FRAS1: variants seen among roughly 807,000 people sequenced by gnomAD.
The protein encoded by FRAS1 is Fraser extracellular matrix complex subunit 1, also known as extracellular matrix organizing protein FRAS1.
In FRAS1, 290 loss-of-function variants were observed where a neutral mutation model predicts 435.2. The observed-to-expected ratio is 0.67, with a 90% CI of 0.61 to 0.73. The LOEUF is 0.73. Among genes scored for constraint, FRAS1 ranks in the 30% least tolerant of loss-of-function variants. The pLI is 0.00. For missense variants in FRAS1, 4,860 were observed against 5,001.5 expected (o/e 0.97, Z 0.85); for synonymous variants, 1,800 against 1,851.0 (o/e 0.97, Z 0.71).
chr4:78,448,309 C>G lies in FRAS1; in HGVS notation c.6267C>G (p.Leu2089=), dbSNP rs1718919041. ...PHLAINQGLQ[L]SAGSVARITE... is the part of the protein sequence containing the mutation. ...TGGCTATAAACCAAGGCCTACAGCT[C>G]TCAGCAGGTACCACAGAAATAAAGG... is the stretch of plus-strand genomic sequence containing the variant. Residue 2089 remains leucine, a synonymous_variant, in exon 44 of 74, where the codon CTC becomes CTG. Coordinates refer to ENST00000512123, the MANE Select transcript of FRAS1 (RefSeq NM_025074.7). The G allele has an allele frequency of 1.2e-6, 2 of 1,605,722 alleles. No homozygotes were observed. The highest frequency in any genetic ancestry group is 1.7e-6 in the Non-Finnish European group (2 of 1,175,946).
chr4:78,127,058 A>T (rs1719400470), intron 2 of FRAS1, among the ~76,000 whole-genome samples: 1 of 150,394 alleles, frequency 6.6e-6, no homozygotes. Flanking sequence ...TCTTTAGTCT[A>T]GTGAACCAGA....
At chr4:78,314,481 T>A (rs1297219614) in intron 15 of FRAS1, among the ~76,000 whole-genome samples, 1 of 152,208 alleles carries the variant, frequency 6.6e-6, no homozygotes, top group African/African-American at 2.4e-5. Flanking sequence ...GCCATGGTCT[T>A]CCAATGCGGT....
chr4:78,282,248 C>A (rs112794165), intron 11 of FRAS1, among the ~76,000 whole-genome samples: 1 of 152,128 alleles, frequency 6.6e-6, no homozygotes, highest in South Asian at 2.1e-4. Flanking sequence ...TGTTTATTTT[C>A]GTAATTTGCT....
rs1189834856 is a variant in FRAS1 at position 78,281,378 on chromosome 4, AC to A, written c.1072-19del. ...TGGTGTTTTTAGTGGCATAATAAAG[AC>A]ATTTCTCTTTGTTCCTAGATGTCAT... On this transcript the variant is annotated intron_variant, in intron 10 of 73. Coordinates refer to ENST00000512123, the MANE Select transcript of FRAS1 (RefSeq NM_025074.7). The A allele has an allele frequency of 8.4e-6, 13 of 1,542,184 alleles. No individual in the cohort carries two copies. Among genetic ancestry groups the A allele is most frequent in the Non-Finnish European group, 1.1e-5 (12 of 1,137,858 alleles).
At chr4:78,522,350 A>G (rs1367176744) in intron 68 of FRAS1, among the ~76,000 whole-genome samples, 1 of 152,216 alleles carries the variant, frequency 6.6e-6, no homozygotes, top group Non-Finnish European at 1.5e-5. Flanking sequence ...TCATTGTCAC[A>G]TAAAGACCCC....
chr4:78,503,812 G>A (rs560325250), intron 61 of FRAS1, among the ~76,000 whole-genome samples: 1 of 152,312 alleles, frequency 6.6e-6, no homozygotes, highest in Admixed American at 6.5e-5. Context: ...ATGTTAGGGT[G>A]TCAATTTTAG....
Position 78,333,338 on chromosome 4 carries a change from C to A in FRAS1, c.2204C>A (p.Ser735Tyr). 6.2e-7 allele frequency: 1 copy of A among 1,612,562 alleles called. No individual in the cohort carries two copies. Among genetic ancestry groups the A allele is most frequent in the Non-Finnish European group, 8.5e-7 (1 of 1,179,344 alleles). ...SPHNCTDCGP[S>Y]HVLLDGQCLS... ...CATAACTGCACAGACTGTGGGCCTT[C>A]CCATGTGCTGTTGGATGGGCAGTGC... The change falls in exon 19 of 74, where the codon TCC (serine) becomes TAC (tyrosine). Residue 735 changes from serine to tyrosine, a missense_variant. Coordinates refer to ENST00000512123, the MANE Select transcript of FRAS1 (RefSeq NM_025074.7).
intron 55 of FRAS1, among the ~76,000 whole-genome samples, chr4:78,478,335 C>T (rs1194711400): frequency 6.6e-6 from 1 of 152,166 alleles, no homozygotes; most frequent in Non-Finnish European, 1.5e-5. Context: ...CTAAATTATT[C>T]ATGAATCAGT....
intron 47 of FRAS1, among the ~76,000 whole-genome samples, chr4:78,455,055 G>A (rs778294185): frequency 6.6e-6 from 1 of 152,018 alleles, no homozygotes; most frequent in Non-Finnish European, 1.5e-5. Flanking sequence ...TTCTCAATCT[G>A]CCTGCTTCCA....
chr4:78,112,769 A>G (rs964875181), intron 2 of FRAS1, among the ~76,000 whole-genome samples: 3 of 151,964 alleles, frequency 2.0e-5, no homozygotes, highest in Admixed American at 6.6e-5. Flanking sequence ...AAGCTATGTC[A>G]GCAAGTTAAG....
chr4:78,504,268 C>A (rs1417599270), intron 61 of FRAS1, among the ~76,000 whole-genome samples: 1 of 152,186 alleles, frequency 6.6e-6, no homozygotes, highest in South Asian at 2.1e-4. Flanking sequence ...TCCTGGATAT[C>A]GTTATCAACC....
At chr4:78,273,262 G>C (rs183362947) in intron 9 of FRAS1, among the ~76,000 whole-genome samples, 142 of 152,272 alleles carry the variant, frequency 9.3e-4, no homozygotes, top group African/African-American at 3.3e-3. Context: ...TCTGCAAATA[G>C]GGACAATTTG....
Position 78,379,717 on chromosome 4 carries a change from GT to G in FRAS1, c.3293-4del. On this transcript the variant is annotated splice_region_variant and splice_polypyrimidine_tract_variant and intron_variant, in intron 26 of 73. Transcript: ENST00000512123. ...ATAAGCTTGACCTTTGGATTCATAT[GT>G]TTTTCAGGCAAAATACACACCCCTA... 6.2e-7 allele frequency: 1 copy of G among 1,604,320 alleles called. No homozygotes were observed. Among genetic ancestry groups the G allele is most frequent in the Non-Finnish European group, 8.5e-7 (1 of 1,177,716 alleles).
At chr4:78,094,371 C>A (rs1741689719) in intron 2 of FRAS1, among the ~76,000 whole-genome samples, 1 of 151,904 alleles carries the variant, frequency 6.6e-6, no homozygotes, top group African/African-American at 2.4e-5. Flanking sequence ...AAGTCACAGG[C>A]AACATACTTT....
intron 1 of FRAS1, among the ~76,000 whole-genome samples, chr4:78,065,265 ACT>A (rs947750197): frequency 2.0e-4 from 30 of 148,686 alleles, no homozygotes; most frequent in African/African-American, 7.1e-4. Flanking sequence ...ATATGTATAT[ACT>A]ATATATGTAA....
chr4:78,384,230 A>ATAATTTTC, intron 28 of FRAS1, 87 bp downstream of exon 28: 2 of 958,718 alleles, frequency 2.1e-6, no homozygotes, highest in Non-Finnish European at 1.6e-6. Flanking sequence ...ATTTAATGAA[A>ATAATTTTC]ATTATTGCAT....
At chr4:78,511,702 C>T (rs1721049070) in intron 64 of FRAS1, among the ~76,000 whole-genome samples, 196 bp downstream of exon 64, 1 of 152,174 alleles carries the variant, frequency 6.6e-6, no homozygotes, top group Non-Finnish European at 1.5e-5. Context: ...TTTCTCTCAC[C>T]TTGTCATTTT....
intron 18 of FRAS1, among the ~76,000 whole-genome samples, chr4:78,323,452 C>CA (rs1448865765): frequency 6.6e-6 from 1 of 152,104 alleles, no homozygotes; most frequent in Non-Finnish European, 1.5e-5. Context: ...GCCCCTTGCA[C>CA]AAAAAAACTA....
At chr4:78,395,487 T>C (rs567762653) in intron 29 of FRAS1, among the ~76,000 whole-genome samples, 1 of 152,170 alleles carries the variant, frequency 6.6e-6, no homozygotes, top group East Asian at 1.9e-4. Context: ...ATTGCAATGC[T>C]TTTTATTTCT....
Sources: allele counts gnomAD v4.1 joint callset (sites outside exome capture counted in the v4.1 genomes callset), GRCh38; gene constraint gnomAD v4.1.1; transcripts MANE v1.5; gene names NCBI Gene and HGNC (gene_info 2026-07-23, HGNC 2026-07-21).